The following MGAT4A variants were observed in gnomAD, a reference collection of about 807,000 sequenced individuals.
The protein encoded by MGAT4A is alpha-1,3-mannosyl-glycoprotein 4-beta-N-acetylglucosaminyltransferase A.
MGAT4A carries 33 observed loss-of-function variants against 74.1 expected under a neutral mutation model. The observed-to-expected ratio is 0.45, with a 90% CI of 0.34 to 0.60. The LOEUF (loss-of-function observed/expected upper bound fraction) is 0.60, where lower values mean the gene tolerates loss of function less well. MGAT4A is among the 20% of genes least tolerant of loss of function. The pLI is 0.02. For synonymous variants in MGAT4A, 198 were observed against 210.4 expected (o/e 0.94, Z 0.51); for missense variants, 479 against 628.3 (o/e 0.76, Z 2.54).
At chr2:98,634,314 CA>C (rs960569516) in intron 14 of MGAT4A, among the ~76,000 whole-genome samples, 3 of 152,042 alleles carry the variant, frequency 2.0e-5, no homozygotes, top group African/African-American at 7.3e-5. Context: ...ATTAAGGGTG[CA>C]AAAGCATTTA....
intron 2 of MGAT4A, among the ~76,000 whole-genome samples, chr2:98,715,344 T>C (rs1321059724): frequency 1.6e-5 from 2 of 125,470 alleles, no homozygotes; most frequent in Admixed American, 8.1e-5. Context: ...AAAAAAGAAA[T>C]GAGGGAGAAG....
In MGAT4A at chr2:98,635,410, T is replaced by C. The variant is rs76319072; in HGVS notation, c.1402-122A>G. ...ACAGCTATCCCTAAAAAGAGAAATATCATCTCAGTCTTGAACTTTAAAAAA... is the reference window on the plus strand; with the variant it reads ...ACAGCTATCCCTAAAAAGAGAAATACCATCTCAGTCTTGAACTTTAAAAAA... On this transcript the variant is annotated intron_variant, in intron 13 of 15. Transcript: ENST00000393487. 7.5e-4 allele frequency: 491 copies of C among 653,376 alleles called. 7 individuals carry two copies. The East Asian group carries it at 0.014, about 18-fold the overall frequency. 40.5% of individuals were successfully genotyped at this position (653,376 alleles called of 1,614,324 possible).
intron 5 of MGAT4A, among the ~76,000 whole-genome samples, chr2:98,659,533 G>A (rs544294280): frequency 1.2e-4 from 18 of 152,290 alleles, no homozygotes; most frequent in African/African-American, 3.9e-4. Flanking sequence ...ATCTCGAATT[G>A]TAGCTCCCAT....
intron 2 of MGAT4A, among the ~76,000 whole-genome samples, chr2:98,713,896 G>A (rs934870089): frequency 6.6e-6 from 1 of 152,168 alleles, no homozygotes; most frequent in Non-Finnish European, 1.5e-5. Context: ...GGAAGAGGAA[G>A]TGACTAAAAT....
chr2:98,711,330 C>T (rs1185747460), intron 2 of MGAT4A, among the ~76,000 whole-genome samples: 1 of 149,862 alleles, frequency 6.7e-6, no homozygotes, highest in Non-Finnish European at 1.5e-5. Context: ...GGGGAAGCAA[C>T]CAGGTTCCTG....
chr2:98,651,413 C>T (rs1701576783), intron 8 of MGAT4A, among the ~76,000 whole-genome samples: 1 of 152,118 alleles, frequency 6.6e-6, no homozygotes, highest in Non-Finnish European at 1.5e-5. Flanking sequence ...AAAAAGCGGT[C>T]ACTGGTGTCA....
intron 2 of MGAT4A, among the ~76,000 whole-genome samples, chr2:98,714,819 C>G (rs546136228): frequency 2.0e-5 from 3 of 152,002 alleles, no homozygotes; most frequent in African/African-American, 7.3e-5. Context: ...GGGTTAATTT[C>G]GTTATGTTAA....
intron 2 of MGAT4A, among the ~76,000 whole-genome samples, chr2:98,709,464 A>G (rs10496329): frequency 0.29 from 44,345 of 151,404 alleles, 7,225 homozygotes; most frequent in Non-Finnish European, 0.37. Context: ...AAGAGGCAAC[A>G]AGATAAATGC....
intron 1 of MGAT4A, among the ~76,000 whole-genome samples, chr2:98,727,059 G>A (rs559389799): frequency 6.6e-6 from 1 of 152,264 alleles, no homozygotes; most frequent in Admixed American, 6.5e-5. Context: ...ACTTATCTAG[G>A]TCTCAAGGTT....
chr2:98,725,934 C>A (rs1037061770), intron 2 of MGAT4A: 12 of 406,442 alleles, frequency 3.0e-5, no homozygotes, highest in African/African-American at 2.4e-4. Flanking sequence ...GTAAAAAGAA[C>A]AAAATGCCAA....
chr2:98,701,435 G>C (rs536280200), intron 2 of MGAT4A, among the ~76,000 whole-genome samples: 1 of 152,278 alleles, frequency 6.6e-6, no homozygotes, highest in African/African-American at 2.4e-5. Flanking sequence ...ATCAGTTAAT[G>C]TTCTGTAATA....
In MGAT4A at chr2:98,667,269, C is replaced by T. The variant is rs530241503; in HGVS notation, c.404-4090G>A. Among the ~76,000 whole-genome samples, 3 of 152,264 alleles carry T rather than the reference C, an allele frequency of 2.0e-5. No individual in the cohort carries two copies. In the East Asian group the frequency reaches 5.8e-4, roughly 29 times the overall value. On this transcript the variant is annotated intron_variant, in intron 4 of 15. Coordinates refer to ENST00000393487, the MANE Select transcript of MGAT4A (RefSeq NM_012214.3). ...TCAGCAGCATGAAAATAGACTAATA[C>T]AGTAAATTGGTACCAGGAGAGTGGG... is the stretch of plus-strand genomic sequence containing the variant.
Position 98,656,468 on chromosome 2 carries a change from A to G in MGAT4A, c.585-3T>C. 6.3e-7 allele frequency: 1 copy of G among 1,577,666 alleles called. No individual in the cohort carries two copies. The highest frequency in any genetic ancestry group is 8.7e-7 in the Non-Finnish European group (1 of 1,155,920). Reference sequence around the variant, plus strand: ...CAGAACTGATTTCTTTAGAAAATCTATTATGAGAAAGTTAGCTGAGTTACT... The same window carrying G: ...CAGAACTGATTTCTTTAGAAAATCTGTTATGAGAAAGTTAGCTGAGTTACT... On this transcript the variant is annotated splice_region_variant and splice_polypyrimidine_tract_variant and intron_variant, in intron 6 of 15. Coordinates refer to ENST00000393487, the MANE Select transcript of MGAT4A (RefSeq NM_012214.3).
intron 1 of MGAT4A, chr2:98,726,928 C>T (rs1386846422): frequency 6.6e-6 from 1 of 152,092 alleles, no homozygotes; most frequent in Non-Finnish European, 1.5e-5. Context: ...TCCAGTTTTC[C>T]TATTGCACAA....
intron 2 of MGAT4A, among the ~76,000 whole-genome samples, chr2:98,709,620 G>C (rs1702488511): frequency 6.6e-6 from 1 of 152,180 alleles, no homozygotes; most frequent in Non-Finnish European, 1.5e-5. Flanking sequence ...ATCCAGTTCA[G>C]GAGTATGAGA....
intron 2 of MGAT4A, among the ~76,000 whole-genome samples, chr2:98,709,026 G>A (rs1559174259): frequency 1.3e-5 from 2 of 152,224 alleles, no homozygotes; most frequent in African/African-American, 2.4e-5. Flanking sequence ...ACCCCATGGA[G>A]TCAGACACAC....
intron 14 of MGAT4A, among the ~76,000 whole-genome samples, chr2:98,632,522 C>G (rs1023734511): frequency 6.6e-6 from 1 of 152,254 alleles, no homozygotes; most frequent in African/African-American, 2.4e-5. Context: ...TTGCTTAACA[C>G]TAAAATTTCC....
chr2:98,647,480 T>C (rs1347879143), intron 8 of MGAT4A, among the ~76,000 whole-genome samples: 2 of 152,220 alleles, frequency 1.3e-5, no homozygotes, highest in East Asian at 3.9e-4. Context: ...CACGCCTAGC[T>C]AATTTTTTTT....
intron 2 of MGAT4A, among the ~76,000 whole-genome samples, chr2:98,682,562 A>G (rs1321037354): frequency 1.3e-5 from 2 of 151,952 alleles, no homozygotes; most frequent in Non-Finnish European, 2.9e-5. Flanking sequence ...ATCTCAAAAT[A>G]CCTCCCCACA....
Sources: allele counts gnomAD v4.1 joint callset (sites outside exome capture counted in the v4.1 genomes callset), GRCh38; gene constraint gnomAD v4.1.1; transcripts MANE v1.5; gene names NCBI Gene and HGNC (gene_info 2026-07-23, HGNC 2026-07-21).